DMD: variants seen among roughly 807,000 people sequenced by gnomAD.
DMD encodes dystrophin, also known as mutant dystrophin.
A neutral mutation model predicts 330.1 loss-of-function variants in DMD; 63 were observed. The ratio of observed to expected loss-of-function variants is 0.19; its 90% CI spans 0.16 to 0.24. The LOEUF is 0.24. Among genes scored for constraint, DMD ranks in the 10% least tolerant of loss-of-function variants. DMD has a pLI of 1.00. For missense variants in DMD, 3,344 were observed against 2,684.1 expected (o/e 1.25, Z -5.43); for synonymous variants, 1,223 against 959.8 (o/e 1.27, Z -5.07).
chrX:31,404,759 T>C (rs1319105297), intron 60 of DMD, among the ~76,000 whole-genome samples: 2 of 111,692 alleles, frequency 1.8e-5, no homozygotes, highest in East Asian at 2.8e-4. Context: ...AAAGGAGGTA[T>C]GGATGTGAGA....
At chrX:33,238,930 G>A (rs2148888215) in intron 1 of DMD, among the ~76,000 whole-genome samples, 1 of 110,745 alleles carries the variant, frequency 9.0e-6, no homozygotes, top group South Asian at 3.8e-4. Flanking sequence ...CCAATTAACA[G>A]CATCGCCGTT....
In DMD at chrX:32,364,654, C is replaced by A. The variant is rs1295394996; in HGVS notation, c.5082G>T (p.Trp1694Cys). Residue 1694 changes from tryptophan to cysteine, a missense_variant, in exon 36 of 79, where the codon TGG becomes TGT. Physicochemically the swap from Trp to Cys is radical, Grantham distance 215. Coordinates refer to ENST00000357033, the MANE Select transcript of DMD (RefSeq NM_004006.3). ...FDQNVDHITK[W>C]IIQADTLLDE... is the part of the protein sequence containing the mutation. ...CCAAAAGTGTGTCAGCCTGAATGAT[C>A]CACTTTGTGATGTGGTCCACATTCT... 1 of 1,209,312 alleles carries A rather than the reference C, an allele frequency of 8.3e-7. No homozygotes were observed. The highest frequency in any genetic ancestry group is 1.1e-6 in the Non-Finnish European group (1 of 893,580).
chrX:32,685,312 T>C (rs2062774216), intron 9 of DMD, among the ~76,000 whole-genome samples: 1 of 111,705 alleles, frequency 9.0e-6, no homozygotes, highest in African/African-American at 3.2e-5. Context: ...GAAATGACTT[T>C]TTCAGGTATT....
intron 4 of DMD, among the ~76,000 whole-genome samples, chrX:32,834,013 G>C (rs2079382555): frequency 2.7e-5 from 3 of 111,340 alleles, no homozygotes; most frequent in Admixed American, 9.6e-5. Context: ...CTGAATGTGA[G>C]TTTAATGAAT....
chrX:32,586,751 G>A (rs1175296297), intron 13 of DMD, among the ~76,000 whole-genome samples: 2 of 110,931 alleles, frequency 1.8e-5, no homozygotes. Flanking sequence ...TCACACATCT[G>A]AATACCAGTG....
intron 43 of DMD, among the ~76,000 whole-genome samples, chrX:32,232,962 G>A (rs1051108726): frequency 6.2e-5 from 7 of 112,089 alleles, no homozygotes; most frequent in African/African-American, 2.3e-4. Context: ...TATCCACAAA[G>A]CTCACTAGAA....
chrX:32,445,408 G>C (rs2098299326), intron 27 of DMD, among the ~76,000 whole-genome samples: 1 of 110,863 alleles, frequency 9.0e-6, no homozygotes, highest in South Asian at 3.7e-4. Flanking sequence ...ATCGACAGTA[G>C]ATCTGTATCC....
intron 49 of DMD, among the ~76,000 whole-genome samples, chrX:31,826,416 C>T (rs920726237): frequency 1.6e-4 from 18 of 112,232 alleles, no homozygotes; most frequent in Non-Finnish European, 3.4e-4. Context: ...AACAATCTTG[C>T]TACTTTTTCA....
chrX:32,054,086 TGTGAGAGAGA>T (rs1241638098), intron 44 of DMD, among the ~76,000 whole-genome samples: 940 of 78,930 alleles, frequency 0.012, 18 homozygotes, highest in African/African-American at 0.042. Flanking sequence ...TGTGTGTGTG[TGTGAGAGAGA>T]GAGAGAGAGA....
intron 9 of DMD, among the ~76,000 whole-genome samples, chrX:32,693,709 G>A (rs2063448163): frequency 8.9e-6 from 1 of 111,950 alleles, no homozygotes; most frequent in African/African-American, 3.3e-5. Flanking sequence ...AAAAGAGGCG[G>A]GATTACAGGC....
chrX:32,831,648 A>ATGTG (rs1491319275), intron 4 of DMD, among the ~76,000 whole-genome samples: 2 of 60,780 alleles, frequency 3.3e-5, no homozygotes, highest in African/African-American at 1.4e-4. Flanking sequence ...TAAGATATTT[A>ATGTG]CGTGTGTGTG....
intron 2 of DMD, among the ~76,000 whole-genome samples, chrX:32,965,225 C>T (rs1432444103): frequency 9.0e-6 from 1 of 111,365 alleles, no homozygotes; most frequent in East Asian, 2.8e-4. Context: ...GGTGCGGTGG[C>T]TCACGCCTGT....
At chrX:33,099,697 C>G (rs1032788998) in intron 1 of DMD, among the ~76,000 whole-genome samples, 1 of 111,760 alleles carries the variant, frequency 8.9e-6, no homozygotes, top group Admixed American at 9.6e-5. Flanking sequence ...CATTTCATGT[C>G]GAGATTAAGA....
intron 44 of DMD, among the ~76,000 whole-genome samples, chrX:32,092,385 C>G (rs761587818): frequency 2.1e-4 from 23 of 112,015 alleles, no homozygotes; most frequent in Admixed American, 1.8e-3. Context: ...GGGTCTCTTT[C>G]TCTTTCAGTA....
intron 62 of DMD, among the ~76,000 whole-genome samples, chrX:31,284,284 T>C (rs371614062): frequency 9.0e-6 from 1 of 111,386 alleles, no homozygotes; most frequent in African/African-American, 3.3e-5. Context: ...CTATGTTTGA[T>C]TGACAGGCCC....
intron 7 of DMD, among the ~76,000 whole-genome samples, chrX:32,734,809 T>C (rs1299431539): frequency 1.9e-5 from 2 of 105,676 alleles, no homozygotes; most frequent in African/African-American, 7.3e-5. Flanking sequence ...GCCAATATCA[T>C]ACTGAATGGG....
intron 61 of DMD, among the ~76,000 whole-genome samples, chrX:31,335,413 C>T (rs150298297): frequency 0.014 from 1,585 of 112,287 alleles, 24 homozygotes; most frequent in Non-Finnish European, 0.021. Flanking sequence ...GTGTTAGATG[C>T]AAAATTATTT....
At chrX:32,714,618 G>C (rs180986311) in intron 7 of DMD, among the ~76,000 whole-genome samples, 10 of 111,525 alleles carry the variant, frequency 9.0e-5, no homozygotes, top group African/African-American at 3.3e-4. Context: ...CAGTGAACAT[G>C]CGAGTGTGAC....
At position 31,979,624 on chromosome X, in the gene DMD, C is replaced by CA. The variant is rs3038594; in HGVS notation, c.6439-11111dup. Among the ~76,000 whole-genome samples the CA allele has an allele frequency of 5.1e-3, 531 of 103,824 alleles. 1 individual carries two copies. Among genetic ancestry groups the CA allele is most frequent in the Non-Finnish European group, 8.2e-3 (414 of 50,437 alleles). The allele number at this position is 103,824 out of a possible 115,157, so 90.2% of individuals were successfully genotyped here. On this transcript the variant is annotated intron_variant, in intron 44 of 78. Coordinates refer to ENST00000357033, the MANE Select transcript of DMD (RefSeq NM_004006.3). ...TTTTAAATACCTACTAGGGGTCTAGCAAAAAAAAAAAATAGTGCTGATGCT... is the reference window on the plus strand; with the variant it reads ...TTTTAAATACCTACTAGGGGTCTAGCAAAAAAAAAAAAATAGTGCTGATGCT...
Sources: allele counts gnomAD v4.1 joint callset (sites outside exome capture counted in the v4.1 genomes callset), GRCh38; gene constraint gnomAD v4.1.1; transcripts MANE v1.5; gene names NCBI Gene and HGNC (gene_info 2026-07-23, HGNC 2026-07-21).